Variants in BLK observed in about 807,000 individuals in gnomAD.
BLK encodes the protein tyrosine-protein kinase Blk.
In BLK, 64 loss-of-function variants were observed where a neutral mutation model predicts 61.8. The observed-to-expected ratio is 1.03, with a 90% CI of 0.85 to 1.27. BLK has a LOEUF of 1.27. Ranked by LOEUF, BLK falls within the 50% of genes most tolerant of loss-of-function variation. The pLI, the probability that BLK is intolerant of heterozygous loss-of-function variation, is 0.00. For missense variants in BLK, 853 were observed against 660.5 expected, an observed-to-expected ratio of 1.29 and a Z score of -3.19; for synonymous variants, 351 against 272.0, an observed-to-expected ratio of 1.29 and a Z score of -2.86.
intron 5 of BLK, 67 bp downstream of exon 5, chr8:11,549,189 G>T: frequency 7.2e-7 from 1 of 1,398,572 alleles, no homozygotes. Flanking sequence ...TGGGCTGTTA[G>T]GCAGGGCAGG....
At chr8:11,556,459 C>T (rs1417772180) in intron 8 of BLK, 199 bp from the exon 9 acceptor site, 2 of 658,232 alleles carry the variant, frequency 3.0e-6, no homozygotes, top group Admixed American at 2.2e-5. Context: ...GTACATTCCT[C>T]CACTGCCTGA....
intron 1 of BLK, among the ~76,000 whole-genome samples, chr8:11,514,580 G>A (rs1439330583): frequency 1.3e-5 from 2 of 152,178 alleles, no homozygotes; most frequent in Non-Finnish European, 2.9e-5. Context: ...CAGAGATGCT[G>A]CTCCCAGCCG....
intron 1 of BLK, among the ~76,000 whole-genome samples, chr8:11,510,600 A>T (rs1350543799): frequency 2.0e-5 from 3 of 152,092 alleles, no homozygotes; most frequent in Non-Finnish European, 4.4e-5. Flanking sequence ...AATGTTTTTT[A>T]AAAAACCCAG....
rs369967336 is a variant in BLK at position 11,548,143 on chromosome 8, C to A, written c.269+18C>A. On this transcript the variant is annotated intron_variant, in intron 4 of 12. Transcript: ENST00000259089. Reference sequence around the variant, plus strand: ...CTGAAGGGGTGAGGTTCCAGGACACCATCCCCTGTCCCTGCAGGACCCCCC... The same window carrying A: ...CTGAAGGGGTGAGGTTCCAGGACACAATCCCCTGTCCCTGCAGGACCCCCC... The A allele has an allele frequency of 5.3e-5, 84 of 1,595,772 alleles. No individual in the cohort carries two copies. Among genetic ancestry groups the A allele is most frequent in the Non-Finnish European group, 6.7e-5 (78 of 1,164,990 alleles).
At chr8:11,521,752 C>T (rs946847072) in intron 1 of BLK, among the ~76,000 whole-genome samples, 1 of 152,184 alleles carries the variant, frequency 6.6e-6, no homozygotes, top group Admixed American at 6.5e-5. Flanking sequence ...CATGAGGGTC[C>T]GTCTGAGACT....
intron 8 of BLK, 155 bp downstream of exon 8, chr8:11,555,639 G>T: frequency 8.1e-7 from 1 of 1,240,464 alleles, no homozygotes; most frequent in South Asian, 1.3e-5. Flanking sequence ...TACAGAGGAG[G>T]AAGTGGAGGT....
chr8:11,507,695 G>A (rs1176213463), intron 1 of BLK, among the ~76,000 whole-genome samples: 1 of 152,150 alleles, frequency 6.6e-6, no homozygotes, highest in African/African-American at 2.4e-5. Flanking sequence ...CAGCTCAGTG[G>A]GTGCCAAAGA....
intron 3 of BLK, among the ~76,000 whole-genome samples, chr8:11,546,875 C>G (rs191530637): frequency 4.6e-5 from 7 of 152,336 alleles, no homozygotes; most frequent in Non-Finnish European, 1.0e-4. Context: ...TGTGCGTGGC[C>G]CCTAGACTCC....
intron 6 of BLK, chr8:11,553,347 G>A (rs1017652624): frequency 1.1e-5 from 5 of 438,004 alleles, no homozygotes; most frequent in Non-Finnish European, 2.3e-5. Context: ...GGCCCTGCCT[G>A]CCCAGGGCAG....
intron 12 of BLK, among the ~76,000 whole-genome samples, chr8:11,563,496 C>G (rs1801586391): frequency 6.6e-6 from 1 of 152,226 alleles, no homozygotes; most frequent in African/African-American, 2.4e-5. Context: ...CGACAGCCCC[C>G]AGCCCCAGTC....
intron 1 of BLK, among the ~76,000 whole-genome samples, chr8:11,528,039 T>C (rs1799736715): frequency 6.6e-6 from 1 of 152,076 alleles, no homozygotes; most frequent in African/African-American, 2.4e-5. Context: ...ACTATTATCA[T>C]CCTTGCTTTT....
chr8:11,510,418 C>G (rs1036424185), intron 1 of BLK, among the ~76,000 whole-genome samples: 1 of 152,054 alleles, frequency 6.6e-6, no homozygotes, highest in Non-Finnish European at 1.5e-5. Context: ...GTACATTTGT[C>G]CCATCATCTA....
intron 1 of BLK, among the ~76,000 whole-genome samples, chr8:11,530,658 A>G (rs76470554): frequency 0.15 from 16,482 of 106,652 alleles, 1,193 homozygotes; most frequent in South Asian, 0.28. Flanking sequence ...ATTTTGCTCA[A>G]TTGTTAAAAG....
At chr8:11,499,469 T>A (rs150017669) in intron 1 of BLK, among the ~76,000 whole-genome samples, 296 of 152,368 alleles carry the variant, frequency 1.9e-3, no homozygotes, top group African/African-American at 6.8e-3. Flanking sequence ...GTGCTTGAGA[T>A]CCTGAGAGAA....
At chr8:11,545,807 C>G (rs1800607159) in intron 2 of BLK, 3 of 565,602 alleles carry the variant, frequency 5.3e-6, no homozygotes, top group Non-Finnish European at 9.6e-6. Context: ...ACAGCTGTCT[C>G]ATATCCACAT....
chr8:11,510,539 G>C (rs1180785065), intron 1 of BLK, among the ~76,000 whole-genome samples: 4 of 152,096 alleles, frequency 2.6e-5, no homozygotes, highest in Admixed American at 6.5e-5. Flanking sequence ...TATTTTATAG[G>C]GATAGTGTCT....
rs908229455 is a variant in BLK, at chr8:11,561,511, A to C, written c.1180+59A>C. ...GGGCCTTATCTTTCCCAGCTCCTCA[A>C]AGCCGCCTTTAACTTCTCCCAGCAC... On this transcript the variant is annotated intron_variant, in intron 11 of 12. Transcript: ENST00000259089. 3.8e-6 allele frequency: 6 copies of C among 1,587,224 alleles called. No homozygotes were observed. The African/African-American group carries it at 8.1e-5, about 21-fold the overall frequency.
intron 1 of BLK, among the ~76,000 whole-genome samples, chr8:11,497,552 C>T (rs1007123086): frequency 1.3e-5 from 2 of 152,306 alleles, no homozygotes; most frequent in South Asian, 2.1e-4. Flanking sequence ...CAAGGACATG[C>T]CCTACATGTG....
chr8:11,532,313 C>T (rs938668171), intron 1 of BLK, among the ~76,000 whole-genome samples: 12 of 151,574 alleles, frequency 7.9e-5, no homozygotes, highest in Admixed American at 3.3e-4. Flanking sequence ...ATTCTCCTGC[C>T]TCAGGCTCCC....
Sources: allele counts gnomAD v4.1 joint callset (sites outside exome capture counted in the v4.1 genomes callset), GRCh38; gene constraint gnomAD v4.1.1; transcripts MANE v1.5; gene names NCBI Gene and HGNC (gene_info 2026-07-23, HGNC 2026-07-21).